TCTN2: variants seen among roughly 807,000 people sequenced by gnomAD.
TCTN2 encodes the protein tectonic-2.
Under a neutral mutation model 83.4 loss-of-function variants are expected in TCTN2, and 66 were observed. The ratio of observed to expected loss-of-function variants is 0.79; its 90% CI spans 0.65 to 0.97. TCTN2 has a LOEUF of 0.97. Ranked by LOEUF, TCTN2 falls within the 50% of genes least tolerant of loss-of-function variation. TCTN2 has a pLI of 0.00. For synonymous variants in TCTN2, 301 were observed against 326.7 expected (o/e 0.92, Z 0.85); for missense variants, 794 against 858.1 (o/e 0.93, Z 0.93).
At chr12:123,707,280 T>C in intron 17 of TCTN2, 1 of 623,618 alleles carries the variant, frequency 1.6e-6, no homozygotes, top group East Asian at 2.8e-5. Flanking sequence ...AGAGTCTTGC[T>C]CTGACACCCT....
intron 6 of TCTN2, among the ~76,000 whole-genome samples, 172 bp from the exon 7 acceptor site, chr12:123,687,879 G>C (rs189828374): frequency 9.1e-4 from 139 of 152,044 alleles, no homozygotes; most frequent in African/African-American, 3.3e-3. Context: ...CACAAGAATT[G>C]CTTGAACCTG....
rs1358597367 is a variant in TCTN2, at chr12:123,696,459, A to G, written c.1357A>G (p.Met453Val). Residue 453 changes from methionine (M) to valine (V), a missense_variant, in exon 12 of 18, where the codon ATG becomes GTG. By Grantham distance (21) the Met-to-Val change is conservative. Transcript: ENST00000303372. ...TGTCCGAGCTCTAAATATCAACAGG[A>G]TGAATAATGTCACGACTTTACATCT... Reference protein sequence around the residue: ...KPVRALNINRMNNVTTLHLWQ... With the variant: ...KPVRALNINRVNNVTTLHLWQ... 1.2e-6 allele frequency: 2 copies of G among 1,614,042 alleles called. No individual in the cohort carries two copies. The highest frequency in any genetic ancestry group is 1.7e-6 in the Non-Finnish European group (2 of 1,180,014).
chr12:123,671,687 T>C, intron 2 of TCTN2, 73 bp downstream of exon 2: 1 of 1,413,306 alleles, frequency 7.1e-7, no homozygotes, highest in Non-Finnish European at 9.8e-7. Context: ...CCTGGAGAGG[T>C]GGCATCCTTG....
chr12:123,700,854 A>G (rs1442514449), intron 14 of TCTN2, among the ~76,000 whole-genome samples: 1 of 152,212 alleles, frequency 6.6e-6, no homozygotes, highest in Non-Finnish European at 1.5e-5. Context: ...ATGCTGAGGA[A>G]AGAGGATCGC....
At chr12:123,673,914 A>T in intron 4 of TCTN2, 104 bp downstream of exon 4, 1 of 1,083,706 alleles carries the variant, frequency 9.2e-7, no homozygotes, top group Non-Finnish European at 1.4e-6. Context: ...GCTATAAATG[A>T]GCTGCCCGGG....
At chr12:123,686,354 AT>A (rs1347920283) in intron 5 of TCTN2, among the ~76,000 whole-genome samples, 3 of 151,908 alleles carry the variant, frequency 2.0e-5, no homozygotes, top group Non-Finnish European at 4.4e-5. Context: ...GCCCCAAGCA[AT>A]TTCTTGATGA....
chr12:123,707,321 A>G (rs1162734850), intron 17 of TCTN2: 1 of 612,358 alleles, frequency 1.6e-6, no homozygotes, highest in Non-Finnish European at 2.9e-6. Context: ...ATCTCAGCTC[A>G]CTGCAACCAT....
chr12:123,690,451 G>C, intron 7 of TCTN2, 82 bp from the exon 8 acceptor site: 1 of 1,595,748 alleles, frequency 6.3e-7, no homozygotes, highest in Non-Finnish European at 8.6e-7. Context: ...GCTGCAGAAA[G>C]ACCAGTTTTA....
At chr12:123,689,107 G>A (rs974183763) in intron 7 of TCTN2, among the ~76,000 whole-genome samples, 1 of 151,580 alleles carries the variant, frequency 6.6e-6, no homozygotes, top group South Asian at 2.1e-4. Context: ...TGTCACCTAG[G>A]GTGGAGTGCA....
At chr12:123,695,579 G>T in intron 11 of TCTN2, 1 of 229,046 alleles carries the variant, frequency 4.4e-6, no homozygotes, top group Non-Finnish European at 7.9e-6. Flanking sequence ...ACACCACCAT[G>T]CCTGGCTTTT....
At chr12:123,690,757 A>G in intron 8 of TCTN2, 83 bp downstream of exon 8, 1 of 1,528,584 alleles carries the variant, frequency 6.5e-7, no homozygotes, top group South Asian at 1.1e-5. Context: ...AATCATTTCT[A>G]CTGGTTCAAC....
chr12:123,683,268 C>CTATT (rs1378862616), intron 5 of TCTN2, among the ~76,000 whole-genome samples: 3 of 151,194 alleles, frequency 2.0e-5, no homozygotes, highest in African/African-American at 7.3e-5. Context: ...TTTTCTGATT[C>CTATT]TATTTATTTA....
At chr12:123,694,453 G>A (rs1956083892) in intron 9 of TCTN2, among the ~76,000 whole-genome samples, 1 of 152,264 alleles carries the variant, frequency 6.6e-6, no homozygotes, top group South Asian at 2.1e-4. Context: ...CTCATCAAAT[G>A]TTAGTGGAGT....
chr12:123,707,261 T>G, intron 17 of TCTN2, 188 bp downstream of exon 17: 1 of 641,598 alleles, frequency 1.6e-6, no homozygotes, highest in Non-Finnish European at 2.7e-6. Flanking sequence ...ACACTGTTTT[T>G]TTTTTTAGAG....
rs773471004 is a variant in TCTN2, at chr12:123,671,262, G to A, written c.22G>A (p.Ala8Thr). The change falls in exon 1 of 18, where the codon GCT becomes ACT. Residue 8 changes from alanine to threonine, a missense_variant. Ala to Thr is a moderately conservative substitution (Grantham distance 58). Coordinates refer to ENST00000303372, the MANE Select transcript of TCTN2 (RefSeq NM_024809.5). MGFQPPA[A>T]LLLRLFLLQG... ...AGGCATGGGCTTCCAGCCTCCGGCC[G>A]CTCTTCTTTTGAGGCTTTTCCTTCT... 38 of 1,613,436 alleles carry A rather than the reference G, an allele frequency of 2.4e-5. No individual in the cohort carries two copies. The African/African-American group carries it at 4.5e-4, about 19-fold the overall frequency.
intron 5 of TCTN2, among the ~76,000 whole-genome samples, chr12:123,684,399 C>CTTT (rs528065302): frequency 7.8e-6 from 1 of 127,802 alleles, no homozygotes; most frequent in Non-Finnish European, 1.7e-5. Flanking sequence ...TATTGTCATT[C>CTTT]TTTTTTTTTT....
Position 123,694,981 on chromosome 12 carries a change from CTT to C in TCTN2, c.1234+7_1234+8del. On this transcript the variant is annotated splice_donor_region_variant and intron_variant, in intron 10 of 17. Coordinates refer to ENST00000303372, the MANE Select transcript of TCTN2 (RefSeq NM_024809.5). ...AGATTAATGCCCACCAGAAAGGTAA[CTT>C]TGATGAGGGTAGCAAGCATGCTTTC... 6.2e-7 allele frequency: 1 copy of C among 1,613,092 alleles called. No individual in the cohort carries two copies. The highest frequency in any genetic ancestry group is 1.7e-4 in the Middle Eastern group (1 of 5,862).
At position 123,671,517 on chromosome 12, in the gene TCTN2, T is replaced by C. The variant is rs1303413722; in HGVS notation, c.93T>C (p.Pro31=). The change falls in exon 2 of 18, where the codon CCT becomes CCC. Residue 31 remains proline, a synonymous_variant. Coordinates refer to ENST00000303372, the MANE Select transcript of TCTN2 (RefSeq NM_024809.5). ...TTCCTTCCCGCCTAGCTTTCATCCCTCCTTTTATCCGAATGTCCGGCCCTG... is the reference window on the plus strand; with the variant it reads ...TTCCTTCCCGCCTAGCTTTCATCCCCCCTTTTATCCGAATGTCCGGCCCTG... ...RLLWGDLAFI[P]PFIRMSGPAV... 1 of 1,614,108 alleles carries C rather than the reference T, an allele frequency of 6.2e-7. No individual in the cohort carries two copies. The highest frequency in any genetic ancestry group is 1.3e-5 in the African/African-American group (1 of 75,036).
At chr12:123,703,250 G>A (rs760648174) in intron 14 of TCTN2, among the ~76,000 whole-genome samples, 6 of 149,678 alleles carry the variant, frequency 4.0e-5, no homozygotes, top group African/African-American at 7.4e-5. Flanking sequence ...GCATGATCTC[G>A]GCTCACTGCA....
Sources: allele counts gnomAD v4.1 joint callset (sites outside exome capture counted in the v4.1 genomes callset), GRCh38; gene constraint gnomAD v4.1.1; transcripts MANE v1.5; gene names NCBI Gene and HGNC (gene_info 2026-07-23, HGNC 2026-07-21).